Variants in TRPM3 observed in about 807,000 individuals in gnomAD.
TRPM3 encodes the protein long transient receptor potential channel 3.
TRPM3 carries 77 observed loss-of-function variants against 181.2 expected under a neutral mutation model. The ratio of observed to expected loss-of-function variants is 0.42; its 90% CI spans 0.35 to 0.51. The LOEUF (loss-of-function observed/expected upper bound fraction) is 0.51, where lower values mean the gene tolerates loss of function less well. TRPM3 is among the 20% of genes least tolerant of loss of function. The pLI is 0.01. For synonymous variants in TRPM3, 745 were observed against 796.4 expected, an observed-to-expected ratio of 0.94 and a Z score of 1.09; for missense variants, 1,759 against 2,196.7, an observed-to-expected ratio of 0.80 and a Z score of 3.98.
rs757150287 is a variant in TRPM3, at chr9:71,121,309, C to A, written c.46G>T (p.Val16Phe). Residue 16 changes from valine to phenylalanine, a missense_variant, in exon 1 of 26, where the codon GTT (valine) becomes TTT (phenylalanine). Physicochemically the swap from Val to Phe is conservative, Grantham distance 50. Around this residue, in one of 8 missense-constraint regions of TRPM3, gnomAD observed 737 missense variants for 957.4 expected, o/e 0.77. Transcript: ENST00000677713. The part of the protein sequence containing the change: ...GTVYFLGIAQ[V>F]FSFLFSWWNL... ...CACCAGGAAAACAAGAAACTGAAAA[C>A]CTGAGCAATGCCTAGAAAATAAACG... is the stretch of plus-strand genomic sequence containing the variant. 1 of 1,614,044 alleles carries A rather than the reference C, an allele frequency of 6.2e-7. No homozygotes were observed. Among genetic ancestry groups the A allele is most frequent in the South Asian group, 1.1e-5 (1 of 91,066 alleles).
chr9:70,543,266 AC>A (rs143713682), intron 25 of TRPM3, among the ~76,000 whole-genome samples: 3,059 of 152,308 alleles, frequency 0.02, 99 homozygotes, highest in African/African-American at 0.068. Context: ...ATGTTTTGAC[AC>A]AGGCAAGCAA....
chr9:70,629,225 G>GGT, intron 12 of TRPM3, among the ~76,000 whole-genome samples: 1 of 89,476 alleles, frequency 1.1e-5, no homozygotes, highest in Non-Finnish European at 2.6e-5. Flanking sequence ...CGGGGGGGGG[G>GGT]GGGGCCTGCG....
At chr9:71,230,939 G>T (rs2081010258) in intron 1 of TRPM3, among the ~76,000 whole-genome samples, 1 of 152,016 alleles carries the variant, frequency 6.6e-6, no homozygotes, top group South Asian at 2.1e-4. Context: ...TCATATCACA[G>T]GAAAGGAAAG....
intron 22 of TRPM3, among the ~76,000 whole-genome samples, chr9:70,579,983 TC>T (rs1408107638): frequency 6.6e-6 from 1 of 152,180 alleles, no homozygotes; most frequent in Non-Finnish European, 1.5e-5. Context: ...CAACGCCCCT[TC>T]CCTGAATGCT....
chr9:70,742,303 A>AT (rs1189866173), intron 8 of TRPM3, among the ~76,000 whole-genome samples: 2 of 151,992 alleles, frequency 1.3e-5, no homozygotes, highest in Middle Eastern at 6.4e-3. Flanking sequence ...TACAATGAAA[A>AT]TTTTTTTAAA....
At chr9:70,847,321 C>T (rs1324367206) in intron 3 of TRPM3, among the ~76,000 whole-genome samples, 2 of 152,016 alleles carry the variant, frequency 1.3e-5, no homozygotes, top group African/African-American at 4.8e-5. Flanking sequence ...TCATTTAGGT[C>T]TCAATGTAAG....
intron 8 of TRPM3, among the ~76,000 whole-genome samples, chr9:70,738,071 G>A (rs746875121): frequency 3.9e-5 from 6 of 152,016 alleles, no homozygotes; most frequent in South Asian, 4.1e-4. Flanking sequence ...CAGACTATAC[G>A]TTCTATTCAT....
At chr9:71,239,683 C>A (rs1470802935) in intron 1 of TRPM3, among the ~76,000 whole-genome samples, 1 of 152,000 alleles carries the variant, frequency 6.6e-6, no homozygotes, top group African/African-American at 2.4e-5. Context: ...TGCAATATAC[C>A]ATTTAAATTG....
At chr9:71,317,547 G>A (rs1052167289) in intron 1 of TRPM3, among the ~76,000 whole-genome samples, 6 of 152,036 alleles carry the variant, frequency 3.9e-5, no homozygotes, top group Admixed American at 1.3e-4. Flanking sequence ...AGGCTGAGGT[G>A]GGAGGATTGT....
chr9:71,225,125 C>T (rs1342383501), intron 1 of TRPM3, among the ~76,000 whole-genome samples: 1 of 152,014 alleles, frequency 6.6e-6, no homozygotes, highest in East Asian at 1.9e-4. Context: ...AAGAGTGTTA[C>T]AGAACACTAA....
chr9:71,368,407 CT>C (rs1410647173), intron 1 of TRPM3, among the ~76,000 whole-genome samples: 1 of 152,104 alleles, frequency 6.6e-6, no homozygotes, highest in Non-Finnish European at 1.5e-5. Context: ...AGCAAGGAAG[CT>C]TTTATCTCAA....
chr9:71,315,192 A>G (rs1352213767), intron 1 of TRPM3, among the ~76,000 whole-genome samples: 3 of 152,184 alleles, frequency 2.0e-5, no homozygotes, highest in African/African-American at 7.2e-5. Flanking sequence ...CTCAAGGAAG[A>G]CTGAAATCAA....
intron 1 of TRPM3, among the ~76,000 whole-genome samples, chr9:70,999,033 C>T (rs1485338320): frequency 6.6e-6 from 1 of 152,132 alleles, no homozygotes; most frequent in East Asian, 1.9e-4. Context: ...ATAATCACTA[C>T]CTTCTTTAAG....
chr9:71,407,451 A>G (rs2093458826), intron 1 of TRPM3, among the ~76,000 whole-genome samples: 1 of 152,228 alleles, frequency 6.6e-6, no homozygotes, highest in Admixed American at 6.5e-5. Flanking sequence ...GGTGGGTCCA[A>G]TGCCCACGGG....
chr9:70,755,399 T>C (rs1225343677), intron 8 of TRPM3, among the ~76,000 whole-genome samples: 2 of 151,796 alleles, frequency 1.3e-5, no homozygotes, highest in Non-Finnish European at 2.9e-5. Context: ...AGATGGAGTT[T>C]CGCTCTTGTT....
chr9:70,776,359 C>G, intron 7 of TRPM3: 1 of 663,876 alleles, frequency 1.5e-6, no homozygotes, highest in Non-Finnish European at 2.7e-6. Context: ...CCAATGCTGG[C>G]CCCTGGAACC....
At chr9:71,023,887 C>T (rs1314356697) in intron 1 of TRPM3, among the ~76,000 whole-genome samples, 2 of 152,052 alleles carry the variant, frequency 1.3e-5, no homozygotes, top group African/African-American at 4.8e-5. Flanking sequence ...CCCAAAAGGT[C>T]CTTGTGGGGA....
chr9:71,143,828 T>A (rs989101093), intron 1 of TRPM3, among the ~76,000 whole-genome samples: 1 of 152,174 alleles, frequency 6.6e-6, no homozygotes, highest in African/African-American at 2.4e-5. Context: ...CATTCTTTTT[T>A]CTCCCTAACC....
At chr9:71,161,687 C>T (rs2076279983) in intron 1 of TRPM3, among the ~76,000 whole-genome samples, 1 of 151,952 alleles carries the variant, frequency 6.6e-6, no homozygotes, top group South Asian at 2.1e-4. Flanking sequence ...AATAGGAGTA[C>T]CTCTGATTAC....
Sources: allele counts gnomAD v4.1 joint callset (sites outside exome capture counted in the v4.1 genomes callset), GRCh38; gene constraint gnomAD v4.1.1; regional missense constraint gnomAD v4.1.1; transcripts MANE v1.5; gene names NCBI Gene and HGNC (gene_info 2026-07-23, HGNC 2026-07-21).